The following ZBBX variants were observed in gnomAD, a reference collection of about 807,000 sequenced individuals.
ZBBX encodes the protein zinc finger B-box domain-containing protein 1.
Under a neutral mutation model 108.5 loss-of-function variants are expected in ZBBX, and 101 were observed. The observed-to-expected ratio is 0.93, with a 90% confidence interval of 0.79 to 1.10. ZBBX has a LOEUF of 1.10. Among genes scored for constraint, ZBBX ranks in the 50% least tolerant of loss-of-function variants. The pLI, the probability that ZBBX is intolerant of heterozygous loss-of-function variation, is 0.00. For missense variants in ZBBX, 1,009 were observed against 941.4 expected (o/e 1.07, Z -0.94); for synonymous variants, 356 against 323.4 (o/e 1.10, Z -1.08).
At chr3:167,266,445 A>T (rs937162698) in intron 20 of ZBBX, among the ~76,000 whole-genome samples, 3 of 152,084 alleles carry the variant, frequency 2.0e-5, no homozygotes, top group Admixed American at 6.5e-5. Flanking sequence ...CGTCAGTTCT[A>T]ATCAATAACT....
chr3:167,331,915 G>A (rs1196858581), intron 10 of ZBBX, among the ~76,000 whole-genome samples: 3 of 152,042 alleles, frequency 2.0e-5, no homozygotes, highest in South Asian at 2.1e-4. Context: ...AAGCTCTTTC[G>A]TGAACTGTAC....
intron 10 of ZBBX, among the ~76,000 whole-genome samples, chr3:167,328,548 T>C (rs1047580180): frequency 1.3e-5 from 2 of 152,102 alleles, no homozygotes; most frequent in Non-Finnish European, 2.9e-5. Flanking sequence ...CTGTTGACTG[T>C]CTATGAAACC....
At chr3:167,250,574 C>A (rs1450163433) in intron 20 of ZBBX, among the ~76,000 whole-genome samples, 7 of 150,482 alleles carry the variant, frequency 4.7e-5, no homozygotes, top group African/African-American at 1.7e-4. Flanking sequence ...CCATCAAAAT[C>A]CAAATGGTCA....
chr3:167,274,921 C>A (rs899720560), intron 20 of ZBBX, among the ~76,000 whole-genome samples: 1 of 152,148 alleles, frequency 6.6e-6, no homozygotes, highest in African/African-American at 2.4e-5. Flanking sequence ...CCTTGTTTGA[C>A]ACAAGTGGCA....
chr3:167,393,858 TA>T (rs1748151898), intron 1 of ZBBX, among the ~76,000 whole-genome samples: 1 of 151,912 alleles, frequency 6.6e-6, no homozygotes, highest in Non-Finnish European at 1.5e-5. Flanking sequence ...GAAGACAGCC[TA>T]AAAATTGCCC....
intron 18 of ZBBX, among the ~76,000 whole-genome samples, chr3:167,297,200 A>C (rs563966458): frequency 6.6e-6 from 1 of 152,016 alleles, no homozygotes; most frequent in East Asian, 1.9e-4. Context: ...TATCTCACCA[A>C]TCATTTTTTT....
intron 1 of ZBBX, chr3:167,399,618 T>G (rs1748355256): frequency 6.6e-6 from 1 of 152,156 alleles, no homozygotes; most frequent in African/African-American, 2.4e-5. Flanking sequence ...GGGGGAGACC[T>G]TAGCATGTGC....
At chr3:167,399,003 GCTCAGCCCC>G (rs1369407893) in intron 1 of ZBBX, among the ~76,000 whole-genome samples, 1 of 151,940 alleles carries the variant, frequency 6.6e-6, no homozygotes, top group African/African-American at 2.4e-5. Context: ...CAATTAGCGT[GCTCAGCCCC>G]CTCACCATGT....
intron 18 of ZBBX, among the ~76,000 whole-genome samples, chr3:167,289,213 T>A (rs1360898747): frequency 6.6e-6 from 1 of 152,194 alleles, no homozygotes; most frequent in African/African-American, 2.4e-5. Flanking sequence ...AAAGTATAAT[T>A]GTTTCTACAT....
intron 1 of ZBBX, among the ~76,000 whole-genome samples, chr3:167,398,558 A>G (rs995586807): frequency 2.0e-5 from 3 of 152,190 alleles, no homozygotes; most frequent in South Asian, 2.1e-4. Context: ...TTTATTATGT[A>G]ATATATATAA....
At chr3:167,276,862 C>G (rs1181299503) in intron 20 of ZBBX, among the ~76,000 whole-genome samples, 1 of 151,990 alleles carries the variant, frequency 6.6e-6, no homozygotes, top group African/African-American at 2.4e-5. Context: ...GGGTTACCCT[C>G]AAAGGGAAGC....
intron 20 of ZBBX, among the ~76,000 whole-genome samples, chr3:167,279,189 A>T (rs1728282524): frequency 6.6e-6 from 1 of 152,200 alleles, no homozygotes; most frequent in Non-Finnish European, 1.5e-5. Context: ...GAAAACTGGC[A>T]CAAGACAGGG....
chr3:167,186,685 T>A, the ZBBX span, among the ~76,000 whole-genome samples: 592 of 152,224 alleles, frequency 3.9e-3, 3 homozygotes, highest in South Asian at 0.022. Flanking sequence ...ATTATAACAG[T>A]CAAATATATA....
intron 20 of ZBBX, among the ~76,000 whole-genome samples, chr3:167,243,209 C>T (rs1181460995): frequency 6.6e-6 from 1 of 152,174 alleles, no homozygotes; most frequent in Admixed American, 6.5e-5. Context: ...GTTAAACAAA[C>T]AAAGTCTTTA....
chr3:167,258,462 T>C (rs777337272), intron 20 of ZBBX, among the ~76,000 whole-genome samples: 1 of 152,142 alleles, frequency 6.6e-6, no homozygotes, highest in Non-Finnish European at 1.5e-5. Flanking sequence ...ACAGTGATAG[T>C]TTGCCTTCGT....
intron 9 of ZBBX, among the ~76,000 whole-genome samples, chr3:167,340,707 G>A (rs1740388890): frequency 6.6e-6 from 1 of 151,990 alleles, no homozygotes; most frequent in African/African-American, 2.4e-5. Context: ...AAAAGAAAGG[G>A]TTGGGGGGTG....
chr3:167,314,552 ATGAT>A (rs1735118524), intron 15 of ZBBX, among the ~76,000 whole-genome samples: 1 of 152,212 alleles, frequency 6.6e-6, no homozygotes, highest in African/African-American at 2.4e-5. Context: ...AAGTTTAATA[ATGAT>A]TACTATCTAT....
the ZBBX span, among the ~76,000 whole-genome samples, chr3:167,188,157 A>T: frequency 4.6e-5 from 7 of 152,218 alleles, no homozygotes; most frequent in African/African-American, 7.2e-5. Flanking sequence ...GAAGGAAAAC[A>T]TGGGGAAAGA....
At chr3:167,331,758 A>G (rs1738672513) in intron 10 of ZBBX, 1 of 283,354 alleles carries the variant, frequency 3.5e-6, no homozygotes, top group Admixed American at 6.5e-5. Flanking sequence ...AGCACATGAT[A>G]TCCCTGTAAG....
Sources: allele counts gnomAD v4.1 joint callset (sites outside exome capture counted in the v4.1 genomes callset), GRCh38; gene constraint gnomAD v4.1.1; transcripts MANE v1.5; gene names NCBI Gene and HGNC (gene_info 2026-07-23, HGNC 2026-07-21).